Variants in GLIS3 observed in about 807,000 individuals in gnomAD.
The protein encoded by GLIS3 is zinc finger protein GLIS3.
GLIS3 carries 53 observed loss-of-function variants against 78.6 expected under a neutral mutation model. The observed-to-expected ratio is 0.67, with a 90% confidence interval of 0.54 to 0.85. GLIS3 has a LOEUF of 0.85. GLIS3 is among the 40% of genes least tolerant of loss of function. The pLI, the probability that GLIS3 is intolerant of heterozygous loss-of-function variation, is 0.00. For synonymous variants in GLIS3, 684 were observed against 509.9 expected, an observed-to-expected ratio of 1.34 and a Z score of -4.60; for missense variants, 1,703 against 1,231.1, an observed-to-expected ratio of 1.38 and a Z score of -5.74.
At chr9:4,329,324 G>A (rs190065256) in intron 2 of GLIS3, among the ~76,000 whole-genome samples, 1 of 152,052 alleles carries the variant, frequency 6.6e-6, no homozygotes, top group East Asian at 1.9e-4. Context: ...ACTTTTCTCT[G>A]TTAGCTTGTT....
intron 4 of GLIS3, among the ~76,000 whole-genome samples, chr9:3,993,445 T>G (rs1820491812): frequency 6.6e-6 from 1 of 152,198 alleles, no homozygotes; most frequent in Non-Finnish European, 1.5e-5. Context: ...TATGATAAAC[T>G]TTTTATCATA....
At chr9:4,468,898 C>T in the GLIS3 span, among the ~76,000 whole-genome samples, 1 of 152,098 alleles carries the variant, frequency 6.6e-6, no homozygotes, top group Non-Finnish European at 1.5e-5. Flanking sequence ...ACTCATCTCA[C>T]CTGCAGAGAC....
intron 4 of GLIS3, among the ~76,000 whole-genome samples, chr9:4,044,484 C>T (rs976378115): frequency 6.6e-6 from 1 of 152,166 alleles, no homozygotes; most frequent in Non-Finnish European, 1.5e-5. Context: ...TGCTACTCCA[C>T]GCCTGGTCCT....
intron 4 of GLIS3, among the ~76,000 whole-genome samples, chr9:4,093,190 AG>A: frequency 6.6e-6 from 1 of 152,298 alleles, no homozygotes; most frequent in East Asian, 1.9e-4. Context: ...TGTAAGTGGC[AG>A]AGTCATGATT....
At chr9:4,365,680 C>G in the GLIS3 span, among the ~76,000 whole-genome samples, 144 of 152,354 alleles carry the variant, frequency 9.5e-4, no homozygotes, top group Middle Eastern at 3.4e-3. Context: ...AAAACGTCAT[C>G]TGAAAAACTG....
At chr9:4,205,378 C>T (rs1457114802) in intron 2 of GLIS3, among the ~76,000 whole-genome samples, 1 of 152,168 alleles carries the variant, frequency 6.6e-6, no homozygotes, top group East Asian at 1.9e-4. Context: ...TCCAAAGCTC[C>T]TGGCCAGAGT....
At chr9:4,213,527 T>C (rs2131305651) in intron 2 of GLIS3, among the ~76,000 whole-genome samples, 1 of 152,378 alleles carries the variant, frequency 6.6e-6, no homozygotes, top group South Asian at 2.1e-4. Context: ...TGTAAGCACT[T>C]GAAATGTGGC....
the GLIS3 span, among the ~76,000 whole-genome samples, chr9:4,356,660 A>C: frequency 6.6e-6 from 1 of 152,248 alleles, no homozygotes; most frequent in Non-Finnish European, 1.5e-5. Context: ...CAGATTTTAC[A>C]AAGAGTATGT....
At chr9:3,985,676 G>A (rs1819684618) in intron 4 of GLIS3, among the ~76,000 whole-genome samples, 1 of 152,192 alleles carries the variant, frequency 6.6e-6, no homozygotes, top group Non-Finnish European at 1.5e-5. Flanking sequence ...AGGAAGAGAT[G>A]TTTCAAGTAA....
At chr9:3,844,071 G>A (rs781507598) in intron 9 of GLIS3, among the ~76,000 whole-genome samples, 1 of 152,122 alleles carries the variant, frequency 6.6e-6, no homozygotes, top group Non-Finnish European at 1.5e-5. Context: ...GTAAACCAAC[G>A]AGAAATTTTA....
chr9:4,373,837 T>A, the GLIS3 span, among the ~76,000 whole-genome samples: 1 of 152,016 alleles, frequency 6.6e-6, no homozygotes, highest in Non-Finnish European at 1.5e-5. Flanking sequence ...CCAGTTAATT[T>A]TTGTATTTTT....
intron 1 of GLIS3, among the ~76,000 whole-genome samples, chr9:4,288,185 A>G (rs986660628): frequency 2.6e-5 from 4 of 152,242 alleles, no homozygotes; most frequent in African/African-American, 9.6e-5. Flanking sequence ...ATTCATTGGT[A>G]GATCATGAGC....
intron 4 of GLIS3, among the ~76,000 whole-genome samples, chr9:3,988,401 A>G (rs1330802428): frequency 6.6e-6 from 1 of 152,174 alleles, no homozygotes; most frequent in Non-Finnish European, 1.5e-5. Context: ...AAGTTATAAT[A>G]CCACTTGATA....
At chr9:4,359,618 C>G in the GLIS3 span, among the ~76,000 whole-genome samples, 1 of 152,142 alleles carries the variant, frequency 6.6e-6, no homozygotes. Flanking sequence ...TGGGAGTATA[C>G]AGTACCCGTG....
At chr9:4,006,038 T>C (rs187005601) in intron 4 of GLIS3, among the ~76,000 whole-genome samples, 2 of 152,306 alleles carry the variant, frequency 1.3e-5, no homozygotes, top group Admixed American at 1.3e-4. Context: ...CCTTACCTGC[T>C]GTTTCACTCT....
At chr9:4,375,432 C>A in the GLIS3 span, among the ~76,000 whole-genome samples, 2 of 152,122 alleles carry the variant, frequency 1.3e-5, no homozygotes, top group East Asian at 3.9e-4. Context: ...CAATTTGCGA[C>A]TGTTTTATAA....
At chr9:4,002,955 C>T (rs1821232835) in intron 4 of GLIS3, among the ~76,000 whole-genome samples, 2 of 152,194 alleles carry the variant, frequency 1.3e-5, no homozygotes, top group South Asian at 4.1e-4. Context: ...AGTCACTGAG[C>T]TAAAGCCATA....
intron 8 of GLIS3, among the ~76,000 whole-genome samples, chr9:3,876,394 C>T (rs575094968): frequency 3.4e-4 from 51 of 151,836 alleles, no homozygotes; most frequent in Middle Eastern, 3.4e-3. Flanking sequence ...CAAAAATCTC[C>T]AGCTATAGAA....
the GLIS3 span, among the ~76,000 whole-genome samples, chr9:4,371,100 G>GA: frequency 2.6e-5 from 4 of 152,018 alleles, no homozygotes. Context: ...TTTGTAATAA[G>GA]AAAAAAATAT....
Sources: gnomAD v4.1 joint callset for allele counts (sites outside exome capture counted in the v4.1 genomes callset) on GRCh38, gnomAD v4.1.1 for gene constraint, MANE v1.5 for transcripts, NCBI Gene and HGNC (gene_info 2026-07-23, HGNC 2026-07-21) for gene names.